SCMH1: variants seen among roughly 807,000 people sequenced by gnomAD.
The protein encoded by SCMH1 is Scm polycomb group protein homolog 1, also known as polycomb protein SCMH1.
In SCMH1, 37 loss-of-function variants were observed where a neutral mutation model predicts 70.8. The observed-to-expected ratio is 0.52, with a 90% CI of 0.40 to 0.69. The LOEUF is 0.69. Among genes scored for constraint, SCMH1 ranks in the 30% least tolerant of loss-of-function variants. The pLI, the probability that SCMH1 is intolerant of heterozygous loss-of-function variation, is 0.00. For synonymous variants in SCMH1, 292 were observed against 307.4 expected (o/e 0.95, Z 0.52); for missense variants, 607 against 827.3 (o/e 0.73, Z 3.27).
intron 1 of SCMH1, among the ~76,000 whole-genome samples, chr1:41,231,078 G>A (rs757027781): frequency 2.0e-5 from 3 of 152,186 alleles, no homozygotes; most frequent in Non-Finnish European, 4.4e-5. Flanking sequence ...TATATACCAT[G>A]TTAAGAGGTT....
intron 1 of SCMH1, among the ~76,000 whole-genome samples, chr1:41,239,768 C>G (rs1345843529): frequency 6.6e-6 from 1 of 152,136 alleles, no homozygotes; most frequent in Non-Finnish European, 1.5e-5. Flanking sequence ...GTAGCTGAGA[C>G]TACAGACATA....
At chr1:41,042,743 TCTAC>T (rs1646361935) in intron 12 of SCMH1, among the ~76,000 whole-genome samples, 1 of 152,220 alleles carries the variant, frequency 6.6e-6, no homozygotes, top group Non-Finnish European at 1.5e-5. Flanking sequence ...TTCACATATC[TCTAC>T]CTGTCTCAGC....
intron 13 of SCMH1, among the ~76,000 whole-genome samples, chr1:41,030,629 G>A (rs1051073699): frequency 3.3e-5 from 5 of 151,750 alleles, no homozygotes; most frequent in Admixed American, 6.6e-5. Context: ...TCAATTCCCC[G>A]CACAGTTCTC....
At position 41,151,698 on chromosome 1, in the gene SCMH1, AG is replaced by A; in HGVS notation, c.107-15del. ...AGGTAAAATGACCTGTAAAGGAAATAGAAATCTATATCACAGTCAACTTCCT... is the reference window on the plus strand; with the variant it reads ...AGGTAAAATGACCTGTAAAGGAAATAAAATCTATATCACAGTCAACTTCCT... On this transcript the variant is annotated splice_polypyrimidine_tract_variant and intron_variant, in intron 4 of 14. Transcript: ENST00000337495. 1 of 1,587,946 alleles carries A rather than the reference AG, an allele frequency of 6.3e-7. No individual in the cohort carries two copies. Among genetic ancestry groups the A allele is most frequent in the Non-Finnish European group, 8.6e-7 (1 of 1,158,652 alleles).
chr1:41,078,025 T>C (rs1658888789), intron 8 of SCMH1, among the ~76,000 whole-genome samples: 1 of 151,794 alleles, frequency 6.6e-6, no homozygotes, highest in Non-Finnish European at 1.5e-5. Flanking sequence ...ATGAACAAAA[T>C]ATAAGAAAAG....
intron 6 of SCMH1, among the ~76,000 whole-genome samples, chr1:41,134,520 T>C (rs921109179): frequency 1.3e-5 from 2 of 152,220 alleles, no homozygotes; most frequent in Admixed American, 1.3e-4. Flanking sequence ...GACACGATTG[T>C]ATATTCAGAA....
At chr1:41,074,386 ATAACAT>A (rs534688825) in intron 9 of SCMH1, among the ~76,000 whole-genome samples, 1 of 152,300 alleles carries the variant, frequency 6.6e-6, no homozygotes, top group Admixed American at 6.5e-5. Flanking sequence ...TTACTATAAA[ATAACAT>A]TAACACTATT....
chr1:41,128,006 A>C (rs1427100242), intron 6 of SCMH1, among the ~76,000 whole-genome samples: 2 of 152,180 alleles, frequency 1.3e-5, no homozygotes, highest in East Asian at 3.9e-4. Flanking sequence ...GCAGACTACC[A>C]CACTACCTTT....
intron 12 of SCMH1, among the ~76,000 whole-genome samples, chr1:41,040,600 C>T (rs1258807966): frequency 6.6e-6 from 1 of 151,852 alleles, no homozygotes; most frequent in South Asian, 2.1e-4. Flanking sequence ...CATGGTGGCT[C>T]ATGCCTGTAA....
chr1:41,120,500 G>T (rs1407191027), intron 6 of SCMH1, among the ~76,000 whole-genome samples: 1 of 152,120 alleles, frequency 6.6e-6, no homozygotes, highest in Non-Finnish European at 1.5e-5. Flanking sequence ...ACCAAACTTT[G>T]TGGTTCTTTA....
At chr1:41,040,886 A>G (rs1054077592) in intron 12 of SCMH1, among the ~76,000 whole-genome samples, 3 of 145,456 alleles carry the variant, frequency 2.1e-5, no homozygotes, top group East Asian at 3.9e-4. Flanking sequence ...CAGAAAACAA[A>G]AAACAAAAAC....
At chr1:41,190,215 G>A (rs1490234471) in intron 1 of SCMH1, among the ~76,000 whole-genome samples, 4 of 152,204 alleles carry the variant, frequency 2.6e-5, no homozygotes, top group Non-Finnish European at 5.9e-5. Flanking sequence ...AGAAGAGTGA[G>A]AATTTAAGAA....
chr1:41,229,138 G>C (rs1281585039), intron 1 of SCMH1, among the ~76,000 whole-genome samples: 1 of 152,054 alleles, frequency 6.6e-6, no homozygotes, highest in Non-Finnish European at 1.5e-5. Context: ...GGAGGTTGCA[G>C]TGAGCCAAGA....
chr1:41,235,921 T>C (rs1662286866), intron 1 of SCMH1, among the ~76,000 whole-genome samples: 1 of 152,238 alleles, frequency 6.6e-6, no homozygotes, highest in Admixed American at 6.5e-5. Context: ...ACTATATAGA[T>C]CTAGATCACT....
intron 1 of SCMH1, among the ~76,000 whole-genome samples, chr1:41,216,105 C>T (rs1658011638): frequency 6.6e-6 from 1 of 152,198 alleles, no homozygotes; most frequent in African/African-American, 2.4e-5. Flanking sequence ...TTAATGAGCT[C>T]AGTAAAAGCA....
intron 10 of SCMH1, among the ~76,000 whole-genome samples, chr1:41,067,528 T>C (rs1033567588): frequency 6.9e-6 from 1 of 143,982 alleles, no homozygotes; most frequent in Non-Finnish European, 1.5e-5. Context: ...AAATGCATAA[T>C]ACTAAGTGAA....
chr1:41,066,114 C>T (rs1654509014), intron 10 of SCMH1, among the ~76,000 whole-genome samples: 1 of 152,136 alleles, frequency 6.6e-6, no homozygotes, highest in African/African-American at 2.4e-5. Context: ...GCTGCTAGGC[C>T]CCAGGACAGA....
chr1:41,242,191 G>A (rs1663742488), upstream of SCMH1: 1 of 146,178 alleles, frequency 6.8e-6, no homozygotes. The surrounding 1 kb of genome is among the most constrained non-coding windows in gnomAD (Gnocchi z 5.2). Flanking sequence ...GGCGGCGGGG[G>A]GCTCCACCGA....
chr1:41,119,218 G>A (rs1671283270), intron 6 of SCMH1, among the ~76,000 whole-genome samples: 1 of 152,098 alleles, frequency 6.6e-6, no homozygotes, highest in Non-Finnish European at 1.5e-5. Flanking sequence ...AAAGTTAGGA[G>A]GAGGAGGTGA....
Sources: gnomAD v4.1 joint callset for allele counts (sites outside exome capture counted in the v4.1 genomes callset) on GRCh38, gnomAD v4.1.1 for gene constraint, Gnocchi (gnomAD v3.1) non-coding constraint, MANE v1.5 for transcripts, NCBI Gene and HGNC (gene_info 2026-07-23, HGNC 2026-07-21) for gene names.